Variants in EPB41L2 observed in about 807,000 individuals in gnomAD.
EPB41L2 encodes the protein band 4.1-like protein 2.
EPB41L2 carries 43 observed loss-of-function variants against 113.0 expected under a neutral mutation model. The observed-to-expected ratio is 0.38, with a 90% confidence interval of 0.30 to 0.49. The LOEUF (loss-of-function observed/expected upper bound fraction) is 0.49. EPB41L2 is among the 20% of genes least tolerant of loss of function. The pLI, the probability that EPB41L2 is intolerant of heterozygous loss-of-function variation, is 0.95. For synonymous variants in EPB41L2, 442 were observed against 436.7 expected, an observed-to-expected ratio of 1.01 and a Z score of -0.15; for missense variants, 1,147 against 1,223.4, an observed-to-expected ratio of 0.94 and a Z score of 0.93.
At chr6:130,854,073 C>T (rs1261832488) in intron 19 of EPB41L2, among the ~76,000 whole-genome samples, 2 of 152,320 alleles carry the variant, frequency 1.3e-5, no homozygotes, top group Non-Finnish European at 2.9e-5. Context: ...ACTCAAACTT[C>T]GTTTCTCAAG....
At chr6:130,872,700 AAG>A (rs1306811971) in intron 14 of EPB41L2, among the ~76,000 whole-genome samples, 1 of 152,324 alleles carries the variant, frequency 6.6e-6, no homozygotes, top group East Asian at 1.9e-4. Flanking sequence ...CAGGCTTATG[AAG>A]AGGTTTGTGA....
chr6:131,057,349 C>A (rs1175549551), intron 1 of EPB41L2, among the ~76,000 whole-genome samples: 1 of 152,146 alleles, frequency 6.6e-6, no homozygotes, highest in Admixed American at 6.5e-5. Flanking sequence ...CCACTCTCCA[C>A]CCCAGGTCAG....
In EPB41L2 at chr6:130,892,403, C is replaced by CTTTTTTTTTTTTTTTTTTTTTTTTTT. The variant is rs60350565; in HGVS notation, c.1488-1938_1488-1937insAAAAAAAAAAAAAAAAAAAAAAAAAA. Among the ~76,000 whole-genome samples the CTTTTTTTTTTTTTTTTTTTTTTTTTT allele has an allele frequency of 7.1e-4, 66 of 92,598 alleles. 6 individuals carry two copies. The highest frequency in any genetic ancestry group is 5.8e-3 in the Middle Eastern group (1 of 172). 60.7% of individuals were successfully genotyped at this position (92,598 alleles called of 152,430 possible). A position where few individuals can be genotyped will look rare whatever the true frequency, so the allele number is the denominator to read the frequency against. ...CTTGCCATTTCTGAACAGATTATTGCTTTTTTTTTTTTTTTTTTTATCATT... is the reference window on the plus strand; with the variant it reads ...CTTGCCATTTCTGAACAGATTATTGCTTTTTTTTTTTTTTTTTTTTTTTTTTTTTTTTTTTTTTTTTTTTTATCATT... On this transcript the variant is annotated intron_variant, in intron 10 of 19. Coordinates refer to ENST00000337057, the MANE Select transcript of EPB41L2 (RefSeq NM_001431.4).
chr6:130,959,277 G>A (rs1335795502), intron 1 of EPB41L2, among the ~76,000 whole-genome samples: 1 of 152,156 alleles, frequency 6.6e-6, no homozygotes, highest in Non-Finnish European at 1.5e-5. Flanking sequence ...AGGTTGTGGA[G>A]ATGTCTAGAT....
chr6:130,986,970 C>A (rs1780704049), intron 1 of EPB41L2, among the ~76,000 whole-genome samples: 1 of 152,212 alleles, frequency 6.6e-6, no homozygotes. Flanking sequence ...GGACATTTTA[C>A]ATAAATGGAT....
chr6:130,915,070 G>A (rs559611974), intron 4 of EPB41L2, among the ~76,000 whole-genome samples: 13 of 151,810 alleles, frequency 8.6e-5, no homozygotes, highest in East Asian at 1.9e-4. Flanking sequence ...TTGGGAGGCC[G>A]AGGCGGGCGG....
At chr6:130,926,779 C>A in intron 3 of EPB41L2, 70 bp from the exon 4 acceptor site, 1 of 837,142 alleles carries the variant, frequency 1.2e-6, no homozygotes. Context: ...TTTAAGACAT[C>A]ATATCAGATA....
At position 130,897,595 on chromosome 6, in the gene EPB41L2, T is replaced by C. The variant is rs140005029; in HGVS notation, c.1236+1896A>G. ...ACAAAGTAGAGATGCAAGATTTGCA[T>C]GTGGTAAGAATGGCAGGGTCTAGAG... On this transcript the variant is annotated intron_variant, in intron 8 of 19. Transcript: ENST00000337057. Among the ~76,000 whole-genome samples, 1,046 of 152,338 alleles carry C rather than the reference T, an allele frequency of 6.9e-3. 8 individuals are homozygous for C. The highest frequency in any genetic ancestry group is 0.011 in the Non-Finnish European group (782 of 68,034).
In EPB41L2 at chr6:130,938,440, T is replaced by C. The variant is rs1340716238; in HGVS notation, c.706-11731A>G. Among the ~76,000 whole-genome samples, 4 of 152,150 alleles carry C rather than the reference T, an allele frequency of 2.6e-5. No individual in the cohort carries two copies. The East Asian group carries it at 7.7e-4, about 29-fold the overall frequency. ...GTGGAGGGAGGGGGACCTGGCTGGG[T>C]GAATCTTTAAGGTCTTGCTTGATTT... On this transcript the variant is annotated intron_variant, in intron 3 of 19. Coordinates refer to ENST00000337057, the MANE Select transcript of EPB41L2 (RefSeq NM_001431.4).
At chr6:130,894,306 G>A (rs750538198) in intron 10 of EPB41L2, 38 bp downstream of exon 10, 3 of 1,545,406 alleles carry the variant, frequency 1.9e-6, no homozygotes, top group East Asian at 4.5e-5. Flanking sequence ...AGGCATGTGC[G>A]ATCATGCCCG....
rs1796189615 is a variant in EPB41L2, at chr6:130,901,171, C to T, written c.939G>A (p.Leu313=). 6.2e-7 allele frequency: 1 copy of T among 1,613,160 alleles called. No homozygotes were observed. The highest frequency in any genetic ancestry group is 8.5e-7 in the Non-Finnish European group (1 of 1,179,926). ...QLTEDITRYF[L]CLQLRQDIAS... is the part of the protein sequence containing the mutation. Reference sequence around the variant, plus strand: ...CAATGTCCTGCCGGAGCTGAAGGCACAAGAAGTATCTGTGAGGAGCAGAGG... The same window carrying T: ...CAATGTCCTGCCGGAGCTGAAGGCATAAGAAGTATCTGTGAGGAGCAGAGG... The change falls in exon 7 of 20, where the codon TTG becomes TTA. Residue 313 remains leucine (L), a synonymous_variant. Transcript: ENST00000337057.
rs571608777 is a variant in EPB41L2 at position 130,894,388 on chromosome 6, C to T, written c.1443G>A (p.Ala481=). 3.1e-5 allele frequency: 50 copies of T among 1,613,786 alleles called. 1 individual carries two copies. The highest frequency in any genetic ancestry group is 4.4e-5 in the South Asian group (4 of 91,084). ...IGFKLPNHRA[A]KRLWKVCVEH... Reference sequence around the variant, plus strand: ...CCACGCACACTTTCCATAGTCTTTTCGCTGCCCGGTGGTTTGGCAGTTTGA... The same window carrying T: ...CCACGCACACTTTCCATAGTCTTTTTGCTGCCCGGTGGTTTGGCAGTTTGA... Residue 481 remains alanine (A), a synonymous_variant, in exon 10 of 20, where the codon GCG becomes GCA. Coordinates refer to ENST00000337057, the MANE Select transcript of EPB41L2 (RefSeq NM_001431.4).
intron 1 of EPB41L2, among the ~76,000 whole-genome samples, chr6:131,003,839 G>A (rs1191025927): frequency 6.6e-6 from 1 of 152,140 alleles, no homozygotes; most frequent in Non-Finnish European, 1.5e-5. Context: ...AGAATAATTT[G>A]GCACCTGTGG....
chr6:131,025,207 C>T (rs996980769), intron 1 of EPB41L2, among the ~76,000 whole-genome samples: 14 of 152,132 alleles, frequency 9.2e-5, no homozygotes, highest in African/African-American at 3.4e-4. Context: ...CCTGTTTCCC[C>T]CCCGGTATGA....
chr6:130,886,147 T>C (rs1790891549), intron 11 of EPB41L2, among the ~76,000 whole-genome samples: 1 of 152,180 alleles, frequency 6.6e-6, no homozygotes, highest in Non-Finnish European at 1.5e-5. Context: ...TTTACTCTGG[T>C]TCCATGTCCT....
At chr6:131,045,948 C>CTTT (rs5880049) in intron 1 of EPB41L2, among the ~76,000 whole-genome samples, 4 of 138,656 alleles carry the variant, frequency 2.9e-5, no homozygotes, top group East Asian at 2.1e-4. Flanking sequence ...TTCTTTCTCT[C>CTTT]TTTTTTTTTT....
intron 1 of EPB41L2, among the ~76,000 whole-genome samples, chr6:131,041,028 A>C (rs943430278): frequency 3.9e-5 from 6 of 152,220 alleles, no homozygotes; most frequent in African/African-American, 1.4e-4. Context: ...ATTGTAAGTG[A>C]CTTAAGTGAC....
chr6:130,951,546 C>A (rs113792411), intron 3 of EPB41L2, among the ~76,000 whole-genome samples: 1 of 151,368 alleles, frequency 6.6e-6, no homozygotes. Flanking sequence ...AGGTTGGTCT[C>A]GAGCCCCTGA....
chr6:131,046,659 A>T (rs139037873), intron 1 of EPB41L2, among the ~76,000 whole-genome samples: 1 of 152,196 alleles, frequency 6.6e-6, no homozygotes, highest in East Asian at 1.9e-4. Context: ...CTCCTTTTTA[A>T]CCTGTCAACA....
Sources: gnomAD v4.1 joint callset for allele counts (sites outside exome capture counted in the v4.1 genomes callset) on GRCh38, gnomAD v4.1.1 for gene constraint, MANE v1.5 for transcripts, NCBI Gene and HGNC (gene_info 2026-07-23, HGNC 2026-07-21) for gene names.